Variants in PEX14 observed in about 807,000 individuals in gnomAD.
PEX14 encodes peroxisomal biogenesis factor 14.
In PEX14, 15 loss-of-function variants were observed where a neutral mutation model predicts 49.5. That is an observed-to-expected ratio of 0.30 (90% CI 0.20 to 0.47). PEX14 has a LOEUF of 0.47. Among genes scored for constraint, PEX14 ranks in the 20% least tolerant of loss-of-function variants. The pLI is 1.00. For synonymous variants in PEX14, 210 were observed against 212.7 expected (o/e 0.99, Z 0.11); for missense variants, 398 against 494.8 (o/e 0.80, Z 1.86).
intron 3 of PEX14, among the ~76,000 whole-genome samples, chr1:10,572,922 C>T (rs972478077): frequency 1.3e-5 from 2 of 152,196 alleles, no homozygotes; most frequent in African/African-American, 4.8e-5. Context: ...GAGGGTATAA[C>T]CTACTGCATA....
chr1:10,534,153 A>G (rs1467152412), intron 2 of PEX14, among the ~76,000 whole-genome samples: 1 of 152,194 alleles, frequency 6.6e-6, no homozygotes, highest in Middle Eastern at 3.2e-3. Flanking sequence ...CACCTGGTAC[A>G]CGTGTCACAC....
chr1:10,488,174 G>T (rs1488197777), intron 1 of PEX14, among the ~76,000 whole-genome samples: 1 of 152,092 alleles, frequency 6.6e-6, no homozygotes. Flanking sequence ...TCCAGAGTCA[G>T]TTTTGGTATG....
intron 3 of PEX14, among the ~76,000 whole-genome samples, chr1:10,593,156 C>A (rs988175161): frequency 6.6e-6 from 1 of 152,034 alleles, no homozygotes; most frequent in Non-Finnish European, 1.5e-5. Context: ...TTTTCTTCCA[C>A]ATTTAATGTA....
chr1:10,482,643 AG>A (rs1641302150), intron 1 of PEX14, among the ~76,000 whole-genome samples: 1 of 151,602 alleles, frequency 6.6e-6, no homozygotes, highest in Non-Finnish European at 1.5e-5. Flanking sequence ...CATGTTGGCC[AG>A]GATGGTCTCG....
intron 4 of PEX14, 85 bp downstream of exon 4, chr1:10,599,451 T>G: frequency 6.7e-7 from 1 of 1,499,058 alleles, no homozygotes; most frequent in Non-Finnish European, 9.3e-7. Context: ...TCTCCCAGAC[T>G]TAGCAAACCA....
At chr1:10,550,525 A>G (rs1307867052) in intron 3 of PEX14, among the ~76,000 whole-genome samples, 9 of 152,262 alleles carry the variant, frequency 5.9e-5, no homozygotes, top group Non-Finnish European at 5.9e-5. Context: ...ATGAGGCTGT[A>G]GAAGCTACTA....
At chr1:10,616,486 C>G (rs769467375) in intron 4 of PEX14, among the ~76,000 whole-genome samples, 1 of 152,208 alleles carries the variant, frequency 6.6e-6, no homozygotes, top group South Asian at 2.1e-4. Flanking sequence ...TCCCTCTCCC[C>G]CTTTCTCCCA....
chr1:10,559,896 T>C (rs1054858496), intron 3 of PEX14, among the ~76,000 whole-genome samples: 1 of 152,138 alleles, frequency 6.6e-6, no homozygotes, highest in African/African-American at 2.4e-5. Flanking sequence ...GTTTTCAGTC[T>C]CGCCTCCCCT....
intron 5 of PEX14, among the ~76,000 whole-genome samples, chr1:10,621,206 AGAAAT>A (rs1362545531): frequency 6.6e-6 from 1 of 151,782 alleles, no homozygotes; most frequent in East Asian, 1.9e-4. Context: ...AAAAAAAAAA[AGAAAT>A]GGTAAAAAGC....
intron 2 of PEX14, among the ~76,000 whole-genome samples, chr1:10,498,782 G>T (rs760955242): frequency 6.6e-6 from 1 of 152,162 alleles, no homozygotes. Flanking sequence ...ACAAAACTCC[G>T]CCAAAGTTAA....
At chr1:10,476,394 A>G (rs193262351) in intron 1 of PEX14, among the ~76,000 whole-genome samples, 8 of 152,288 alleles carry the variant, frequency 5.3e-5, no homozygotes, top group African/African-American at 1.9e-4. Flanking sequence ...TTGCCTTACC[A>G]CATTTAGTTT....
In PEX14 at chr1:10,610,372, T is replaced by TAC. The variant is rs996925845; in HGVS notation, c.299-7934_299-7933dup. On this transcript the variant is annotated intron_variant, in intron 4 of 8. Coordinates refer to ENST00000356607, the MANE Select transcript of PEX14 (RefSeq NM_004565.3). Reference sequence around the variant, plus strand: ...ATAACTTTACATATATATATATATATACACACACACACACACACACACACA... The same window carrying TAC: ...ATAACTTTACATATATATATATATATACACACACACACACACACACACACACA... Among the ~76,000 whole-genome samples, 322 of 129,066 alleles carry TAC rather than the reference T, an allele frequency of 2.5e-3. 2 individuals are homozygous for TAC. Among genetic ancestry groups the TAC allele is most frequent in the South Asian group, 7.2e-3 (29 of 4,014 alleles). 84.7% of individuals were successfully genotyped at this position (129,066 alleles called of 152,430 possible). A position where few individuals can be genotyped will look rare whatever the true frequency, so the allele number is the denominator to read the frequency against.
intron 7 of PEX14, among the ~76,000 whole-genome samples, chr1:10,625,780 C>T (rs890390016): frequency 2.0e-5 from 3 of 152,234 alleles, no homozygotes; most frequent in Non-Finnish European, 2.9e-5. Flanking sequence ...TCAGGCCTTA[C>T]GCCTGAGATT....
At chr1:10,622,956 A>C in intron 5 of PEX14, 63 bp from the exon 6 acceptor site, 12 of 1,149,352 alleles carry the variant, frequency 1.0e-5, no homozygotes, top group Middle Eastern at 2.3e-4. Context: ...GCAGAATTTG[A>C]GAGATTGTTG....
chr1:10,518,496 G>A (rs1642009754), intron 2 of PEX14, among the ~76,000 whole-genome samples: 2 of 152,166 alleles, frequency 1.3e-5, no homozygotes, highest in Admixed American at 1.3e-4. Flanking sequence ...ATAAAGGCCA[G>A]TTCTCTGTGC....
intron 7 of PEX14, 34 bp downstream of exon 7, chr1:10,624,471 C>G: frequency 7.2e-7 from 1 of 1,393,910 alleles, no homozygotes; most frequent in South Asian, 1.2e-5. Flanking sequence ...CCCTCCAGGC[C>G]CAGGTCTGTC....
In PEX14 at chr1:10,493,777, A is replaced by AG. The variant is rs1283066458; in HGVS notation, c.37-1496dup. Reference sequence around the variant, plus strand: ...AATGAGTTAGCTCTGGGAGCGAGGGAGAAAGAGCTGTCTCAAGATGGCCTT... The same window carrying AG: ...AATGAGTTAGCTCTGGGAGCGAGGGAGGAAAGAGCTGTCTCAAGATGGCCTT... On this transcript the variant is annotated intron_variant, in intron 1 of 8. Transcript: ENST00000356607. Among the ~76,000 whole-genome samples, 6 of 152,296 alleles carry AG rather than the reference A, an allele frequency of 3.9e-5. No homozygotes were observed. The East Asian group carries it at 1.2e-3, about 29-fold the overall frequency.
chr1:10,539,439 T>A lies in PEX14; in HGVS notation c.169+3142T>A, dbSNP rs944860149. Among the ~76,000 whole-genome samples the A allele has an allele frequency of 6.6e-6, 1 of 152,156 alleles. No homozygotes were observed. The highest frequency in any genetic ancestry group is 1.5e-5 in the Non-Finnish European group (1 of 68,008). On this transcript the variant is annotated intron_variant, in intron 3 of 8. Coordinates refer to ENST00000356607, the MANE Select transcript of PEX14 (RefSeq NM_004565.3). This position sits in a 1 kb window ranked among gnomAD's most constrained non-coding sequence, Gnocchi z 4.6. ...TTCCTTTTATCGGGAATATTTTGGATGAAAGAAAAAAGCAGCTGCTCACCT... is the reference window on the plus strand; with the variant it reads ...TTCCTTTTATCGGGAATATTTTGGAAGAAAGAAAAAAGCAGCTGCTCACCT...
chr1:10,485,884 T>C (rs1413587246), intron 1 of PEX14, among the ~76,000 whole-genome samples: 1 of 150,032 alleles, frequency 6.7e-6, no homozygotes, highest in Non-Finnish European at 1.5e-5. Context: ...GACTCCCTAG[T>C]AGCTGAGATT....
Sources: allele counts gnomAD v4.1 joint callset (sites outside exome capture counted in the v4.1 genomes callset), GRCh38; gene constraint gnomAD v4.1.1; non-coding constraint Gnocchi (gnomAD v3.1); transcripts MANE v1.5; gene names NCBI Gene and HGNC (gene_info 2026-07-23, HGNC 2026-07-21).